SGK3: variants seen among roughly 807,000 people sequenced by gnomAD.
SGK3 encodes the protein serine/threonine-protein kinase Sgk3.
Under a neutral mutation model 68.5 loss-of-function variants are expected in SGK3, and 47 were observed. The observed-to-expected ratio is 0.69, with a 90% CI of 0.54 to 0.87. SGK3 has a LOEUF of 0.87. Ranked by LOEUF, SGK3 falls within the 40% of genes least tolerant of loss-of-function variation. The pLI is 0.00. For missense variants in SGK3, 479 were observed against 575.5 expected (o/e 0.83, Z 1.72); for synonymous variants, 181 against 189.1 (o/e 0.96, Z 0.35).
chr8:66,771,164 G>A (rs1356748401), intron 1 of SGK3, among the ~76,000 whole-genome samples: 1 of 151,624 alleles, frequency 6.6e-6, no homozygotes, highest in Admixed American at 6.6e-5. Context: ...ACATTTTGAG[G>A]AGAGGTAGAG....
chr8:66,757,736 G>A (rs1806023935), intron 1 of SGK3, among the ~76,000 whole-genome samples: 1 of 151,024 alleles, frequency 6.6e-6, no homozygotes, highest in African/African-American at 2.4e-5. Flanking sequence ...CCAACATGGT[G>A]AAACCTCGTC....
intron 15 of SGK3, 68 bp from the exon 16 acceptor site, chr8:66,850,762 TA>T: frequency 2.7e-6 from 4 of 1,463,768 alleles, no homozygotes; most frequent in Non-Finnish European, 3.7e-6. Context: ...TTTGGCTTCA[TA>T]AAATTATGCA....
chr8:66,835,756 AT>A lies in SGK3; in HGVS notation c.526-6del. 6.2e-7 allele frequency: 1 copy of A among 1,610,040 alleles called. No homozygotes were observed. Among genetic ancestry groups the A allele is most frequent in the Non-Finnish European group, 8.5e-7 (1 of 1,179,104 alleles). ...TAATAGTATACACTAATGTTTAACT[AT>A]AACAGGTTCTTCTTGCAAAACGGAA... On this transcript the variant is annotated splice_region_variant and splice_polypyrimidine_tract_variant and intron_variant, in intron 8 of 16. Transcript: ENST00000521198.
At chr8:66,839,904 C>A in intron 10 of SGK3, 99 bp from the exon 11 acceptor site, 1 of 1,136,926 alleles carries the variant, frequency 8.8e-7, no homozygotes, top group South Asian at 1.6e-5. Context: ...TAACAAAGAA[C>A]AATTCCTACC....
intron 1 of SGK3, among the ~76,000 whole-genome samples, chr8:66,790,167 A>G (rs1311183446): frequency 1.3e-5 from 2 of 152,122 alleles, no homozygotes; most frequent in East Asian, 1.9e-4. Context: ...TGCTCTCCAC[A>G]CTCCCACTGG....
At chr8:66,726,174 A>G (rs1419370113) in intron 1 of SGK3, among the ~76,000 whole-genome samples, 1 of 152,154 alleles carries the variant, frequency 6.6e-6, no homozygotes, top group Non-Finnish European at 1.5e-5. Context: ...AGACACTAAT[A>G]TTTATTGAGT....
chr8:66,835,679 G>A, intron 8 of SGK3, 84 bp from the exon 9 acceptor site: 1 of 1,394,004 alleles, frequency 7.2e-7, no homozygotes, highest in East Asian at 2.3e-5. Flanking sequence ...CAGAATTTAA[G>A]AAGTATTGAT....
intron 5 of SGK3, among the ~76,000 whole-genome samples, chr8:66,816,356 T>TG (rs1554602622): frequency 4.0e-5 from 6 of 148,252 alleles, no homozygotes; most frequent in African/African-American, 1.0e-4. Flanking sequence ...TTTTTTTTTT[T>TG]TGTGTGTGAG....
At chr8:66,766,391 C>T (rs921663039) in intron 1 of SGK3, among the ~76,000 whole-genome samples, 4 of 152,000 alleles carry the variant, frequency 2.6e-5, no homozygotes, top group Non-Finnish European at 5.9e-5. Flanking sequence ...GGTCTGGTGG[C>T]GTGTGCCTGT....
rs1298646713 is a variant in SGK3, at chr8:66,793,722, C to A, written c.-15C>A. 2 of 1,609,890 alleles carry A rather than the reference C, an allele frequency of 1.2e-6. No homozygotes were observed. The highest frequency in any genetic ancestry group is 1.7e-6 in the Non-Finnish European group (2 of 1,177,852). ...TTCTTCGGATGCATTTTTTGGTGTG[C>A]TCTTGAGGGATTAAATGCAAAGAGA... On this transcript the variant is annotated 5_prime_UTR_variant, in exon 2 of 17. An upstream open reading frame in the 5' UTR gains an earlier in-frame stop. Transcript: ENST00000521198.
chr8:66,750,019 TG>T (rs1805767934), intron 1 of SGK3, among the ~76,000 whole-genome samples: 1 of 151,662 alleles, frequency 6.6e-6, no homozygotes, highest in African/African-American at 2.4e-5. Context: ...TCAGATTTCT[TG>T]GGTTTGGATA....
At chr8:66,769,260 G>C (rs1287162800) in intron 1 of SGK3, among the ~76,000 whole-genome samples, 1 of 151,858 alleles carries the variant, frequency 6.6e-6, no homozygotes, top group Non-Finnish European at 1.5e-5. Flanking sequence ...GTCTCACTCT[G>C]TTGCCCAAGC....
chr8:66,766,587 A>G (rs111564609), intron 1 of SGK3, among the ~76,000 whole-genome samples: 3,166 of 152,224 alleles, frequency 0.021, 119 homozygotes, highest in African/African-American at 0.072. Context: ...TAGGTCTTCT[A>G]TATACTTGCT....
At chr8:66,742,169 A>G (rs1474254421) in intron 1 of SGK3, among the ~76,000 whole-genome samples, 1 of 152,258 alleles carries the variant, frequency 6.6e-6, no homozygotes, top group Non-Finnish European at 1.5e-5. Flanking sequence ...GTAATAGATC[A>G]TGAAATGAAA....
chr8:66,849,430 C>G (rs991279821), intron 15 of SGK3, among the ~76,000 whole-genome samples: 12 of 152,058 alleles, frequency 7.9e-5, no homozygotes, highest in Admixed American at 2.6e-4. Flanking sequence ...TTTTTGCTGC[C>G]TGAATCTTTC....
At chr8:66,763,335 C>CT (rs1475675024) in intron 1 of SGK3, among the ~76,000 whole-genome samples, 6 of 152,024 alleles carry the variant, frequency 3.9e-5, no homozygotes, top group Admixed American at 2.0e-4. Flanking sequence ...AATGGTGATT[C>CT]TTTTTTATGA....
At chr8:66,757,944 C>T (rs867005038) in intron 1 of SGK3, among the ~76,000 whole-genome samples, 11 of 127,234 alleles carry the variant, frequency 8.6e-5, no homozygotes, top group African/African-American at 3.0e-4. Flanking sequence ...TATATATATA[C>T]ATATATATAT....
chr8:66,774,923 G>A (rs879912211), intron 1 of SGK3, among the ~76,000 whole-genome samples: 2 of 152,308 alleles, frequency 1.3e-5, no homozygotes, highest in East Asian at 3.9e-4. Context: ...GGAACCTGGG[G>A]AGAGTGCCTT....
intron 1 of SGK3, among the ~76,000 whole-genome samples, chr8:66,727,018 G>C (rs998353997): frequency 2.0e-5 from 3 of 152,038 alleles, no homozygotes; most frequent in African/African-American, 4.8e-5. Context: ...CATGGAAATA[G>C]AGCAATAATT....
Sources: gnomAD v4.1 joint callset for allele counts (sites outside exome capture counted in the v4.1 genomes callset) on GRCh38, gnomAD v4.1.1 for gene constraint, MANE v1.5 for transcripts, NCBI Gene and HGNC (gene_info 2026-07-23, HGNC 2026-07-21) for gene names.